GPATCH2: variants seen among roughly 807,000 people sequenced by gnomAD.
The protein encoded by GPATCH2 is G patch domain-containing protein 2.
A neutral mutation model predicts 58.0 loss-of-function variants in GPATCH2; 51 were observed. That is an observed-to-expected ratio of 0.88 (90% CI 0.70 to 1.11). The LOEUF is 1.11. Among genes scored for constraint, GPATCH2 ranks in the 50% most tolerant of loss-of-function variants. The probability of loss-of-function intolerance (pLI) is 0.00; values close to 1 mark genes in which losing one functional copy is unlikely to be tolerated. For synonymous variants in GPATCH2, 222 were observed against 218.5 expected (o/e 1.02, Z -0.14); for missense variants, 625 against 652.2 (o/e 0.96, Z 0.45).
intron 6 of GPATCH2, among the ~76,000 whole-genome samples, chr1:217,504,469 AC>A (rs1662454129): frequency 6.6e-6 from 1 of 152,232 alleles, no homozygotes; most frequent in Non-Finnish European, 1.5e-5. Flanking sequence ...TGATAATAAC[AC>A]TAACAGAAAT....
chr1:217,507,935 A>G (rs968212427), intron 6 of GPATCH2, among the ~76,000 whole-genome samples: 2 of 152,132 alleles, frequency 1.3e-5, no homozygotes, highest in African/African-American at 4.8e-5. Context: ...AATACTAAAA[A>G]CAGTGGTGCA....
intron 9 of GPATCH2, among the ~76,000 whole-genome samples, chr1:217,446,530 T>C (rs1286083761): frequency 6.6e-6 from 1 of 152,152 alleles, no homozygotes; most frequent in Non-Finnish European, 1.5e-5. Context: ...CTGAGGACTT[T>C]AAGATAACCT....
intron 5 of GPATCH2, among the ~76,000 whole-genome samples, chr1:217,581,748 C>G (rs143374831): frequency 5.3e-5 from 8 of 152,122 alleles, no homozygotes; most frequent in African/African-American, 1.9e-4. Context: ...GTCAGGAGTT[C>G]GAGACCAGCC....
intron 8 of GPATCH2, chr1:217,491,392 TA>T (rs1661726602): frequency 6.2e-6 from 1 of 160,800 alleles, no homozygotes; most frequent in South Asian, 2.0e-4. Context: ...GCCAATTTTT[TA>T]GATTAAAAAT....
chr1:217,445,070 T>A (rs1193190982), intron 9 of GPATCH2, among the ~76,000 whole-genome samples: 1 of 152,148 alleles, frequency 6.6e-6, no homozygotes, highest in Non-Finnish European at 1.5e-5. Flanking sequence ...AAAGCTGTAA[T>A]GTAACCTCTT....
chr1:217,441,137 G>A (rs1659116243), intron 9 of GPATCH2, among the ~76,000 whole-genome samples: 1 of 152,168 alleles, frequency 6.6e-6, no homozygotes, highest in Admixed American at 6.5e-5. Flanking sequence ...AAAACAGCAT[G>A]GTACTGGTAC....
At chr1:217,491,362 A>C in intron 8 of GPATCH2, 1 of 156,160 alleles carries the variant, frequency 6.4e-6, no homozygotes, top group Non-Finnish European at 1.4e-5. Context: ...ATGCCACTTA[A>C]GTTTAGGGAA....
intron 5 of GPATCH2, among the ~76,000 whole-genome samples, chr1:217,524,870 G>A (rs1326720803): frequency 4.6e-4 from 2 of 4,348 alleles, no homozygotes; most frequent in Non-Finnish European, 1.3e-3. Flanking sequence ...GAGGGGAGAG[G>A]GGAGAGGGGG....
chr1:217,614,636 T>C (rs1668794565), intron 2 of GPATCH2, among the ~76,000 whole-genome samples: 1 of 152,056 alleles, frequency 6.6e-6, no homozygotes, highest in Admixed American at 6.6e-5. Context: ...TAGGATGAGA[T>C]TACTTTTCAT....
chr1:217,562,011 C>T (rs1242020692), intron 5 of GPATCH2, among the ~76,000 whole-genome samples: 3 of 152,238 alleles, frequency 2.0e-5, no homozygotes, highest in Non-Finnish European at 4.4e-5. Context: ...CTGAACATAC[C>T]TGAGCATACA....
At chr1:217,593,277 A>G (rs1285801131) in intron 5 of GPATCH2, among the ~76,000 whole-genome samples, 1 of 152,008 alleles carries the variant, frequency 6.6e-6, no homozygotes, top group African/African-American at 2.4e-5. Flanking sequence ...GAGGAGATTT[A>G]TTATTAGAAA....
At chr1:217,460,811 G>C (rs1456814842) in intron 8 of GPATCH2, among the ~76,000 whole-genome samples, 2 of 152,166 alleles carry the variant, frequency 1.3e-5, no homozygotes, top group East Asian at 3.8e-4. Context: ...ATTCTCTATA[G>C]ACACAATTCT....
At chr1:217,444,743 T>A (rs1243796728) in intron 9 of GPATCH2, among the ~76,000 whole-genome samples, 1 of 152,172 alleles carries the variant, frequency 6.6e-6, no homozygotes, top group African/African-American at 2.4e-5. Context: ...CTTGGAAAAG[T>A]CTGCCTGTTT....
At chr1:217,473,417 T>C (rs1409288619) in intron 8 of GPATCH2, among the ~76,000 whole-genome samples, 2 of 152,000 alleles carry the variant, frequency 1.3e-5, no homozygotes, top group Non-Finnish European at 2.9e-5. Context: ...GGTAGTTTTT[T>C]TAAAAAAATA....
At chr1:217,470,379 TAAGTAATAAGA>T (rs1660670228) in intron 8 of GPATCH2, among the ~76,000 whole-genome samples, 1 of 152,330 alleles carries the variant, frequency 6.6e-6, no homozygotes, top group South Asian at 2.1e-4. Flanking sequence ...AGAGAAGACG[TAAGTAATAAGA>T]GTTTCACTAG....
chr1:217,543,271 T>TC (rs1664847406), intron 5 of GPATCH2, among the ~76,000 whole-genome samples: 1 of 146,054 alleles, frequency 6.8e-6, no homozygotes, highest in African/African-American at 2.5e-5. Flanking sequence ...ATGCGAACGT[T>TC]TTTTTTTTTT....
intron 7 of GPATCH2, among the ~76,000 whole-genome samples, chr1:217,492,978 A>G (rs925877033): frequency 2.0e-5 from 3 of 152,210 alleles, no homozygotes; most frequent in African/African-American, 7.2e-5. Flanking sequence ...TGTCCTTGAG[A>G]AGGAATAGAC....
At chr1:217,601,413 A>G (rs753258494) in intron 5 of GPATCH2, among the ~76,000 whole-genome samples, 2 of 149,788 alleles carry the variant, frequency 1.3e-5, no homozygotes, top group Non-Finnish European at 3.0e-5. Context: ...TCAATTAAAA[A>G]AATAAACATA....
intron 5 of GPATCH2, among the ~76,000 whole-genome samples, chr1:217,576,567 G>C (rs1429054114): frequency 6.6e-6 from 1 of 152,108 alleles, no homozygotes; most frequent in Non-Finnish European, 1.5e-5. Flanking sequence ...ATCACCCTTT[G>C]AACTAAATGA....
Sources: allele counts gnomAD v4.1 joint callset (sites outside exome capture counted in the v4.1 genomes callset), GRCh38; gene constraint gnomAD v4.1.1; transcripts MANE v1.5; gene names NCBI Gene and HGNC (gene_info 2026-07-23, HGNC 2026-07-21).